Variants in CEP112 observed in about 807,000 individuals in gnomAD.
CEP112 encodes the protein centrosomal protein of 112 kDa.
Under a neutral mutation model 153.0 loss-of-function variants are expected in CEP112, and 127 were observed. That is an observed-to-expected ratio of 0.83 (90% CI 0.72 to 0.96). CEP112 has a LOEUF of 0.96. CEP112 is among the 40% of genes least tolerant of loss of function. The pLI is 0.00. For synonymous variants in CEP112, 358 were observed against 374.4 expected, an observed-to-expected ratio of 0.96 and a Z score of 0.51; for missense variants, 1,089 against 1,101.2, an observed-to-expected ratio of 0.99 and a Z score of 0.16.
At chr17:65,763,946 G>T (rs1412861042) in intron 21 of CEP112, among the ~76,000 whole-genome samples, 1 of 152,020 alleles carries the variant, frequency 6.6e-6, no homozygotes, top group Admixed American at 6.6e-5. Flanking sequence ...TAATCATGTG[G>T]TGGTAACGTG....
rs35334393 is a variant in CEP112 at position 66,027,375 on chromosome 17, T to TAA, written c.1656+124_1656+125dup. 3.3e-3 allele frequency: 2,799 copies of TAA among 846,856 alleles called. 1 individual carries two copies. Among genetic ancestry groups the TAA allele is most frequent in the East Asian group, 0.016 (205 of 12,474 alleles). 52.5% of individuals were successfully genotyped at this position (846,856 alleles called of 1,614,324 possible). A position where few individuals can be genotyped will look rare whatever the true frequency, so the allele number is the denominator to read the frequency against. ...CTGGGTGACAGAGCAAGACTCTGTCTAAAAAAAAAGACAAAGAAACAAGTT... is the reference window on the plus strand; with the variant it reads ...CTGGGTGACAGAGCAAGACTCTGTCTAAAAAAAAAAAGACAAAGAAACAAGTT... On this transcript the variant is annotated intron_variant, in intron 16 of 26. Transcript: ENST00000535342.
At chr17:66,054,744 A>C (rs978279911) in intron 11 of CEP112, among the ~76,000 whole-genome samples, 1 of 152,064 alleles carries the variant, frequency 6.6e-6, no homozygotes, top group East Asian at 1.9e-4. Context: ...TCCAAATGAT[A>C]TATTTGGCTT....
At chr17:65,749,878 G>A (rs2051715992) in intron 22 of CEP112, among the ~76,000 whole-genome samples, 1 of 147,224 alleles carries the variant, frequency 6.8e-6, no homozygotes, top group Admixed American at 6.8e-5. Context: ...ATAAAAATAT[G>A]AAGACAAGCT....
intron 23 of CEP112, among the ~76,000 whole-genome samples, chr17:65,735,714 T>A (rs2050763891): frequency 6.6e-6 from 1 of 152,214 alleles, no homozygotes; most frequent in Non-Finnish European, 1.5e-5. Context: ...AGCCTTGTTT[T>A]GTGTGAAGCC....
At position 66,164,884 on chromosome 17, in the gene CEP112, ATATG is replaced by A. The variant is rs892546337; in HGVS notation, c.470+10156_470+10159del. Among the ~76,000 whole-genome samples, 17 of 93,976 alleles carry A rather than the reference ATATG, an allele frequency of 1.8e-4. 1 individual carries two copies. In the South Asian group the frequency reaches 1.9e-3, roughly 11 times the overall value. The allele number at this position is 93,976 out of a possible 152,430, so 61.7% of individuals were successfully genotyped here. The stretch of plus-strand genomic sequence containing the variant: ...AAAATATATATATATATACACACAT[ATATG>A]TGTGTGTGTGTGTGTGTGTGTGTGT... On this transcript the variant is annotated intron_variant, in intron 4 of 26. Transcript: ENST00000535342.
intron 20 of CEP112, among the ~76,000 whole-genome samples, chr17:65,860,990 G>A (rs942530492): frequency 4.6e-5 from 7 of 152,224 alleles, no homozygotes; most frequent in Admixed American, 1.3e-4. Context: ...GCTGAGTGAA[G>A]GAAGCCAGTC....
At chr17:65,828,013 T>C (rs1226672645) in intron 21 of CEP112, among the ~76,000 whole-genome samples, 5 of 152,314 alleles carry the variant, frequency 3.3e-5, no homozygotes, top group South Asian at 2.1e-4. Context: ...CTTAAAAAAA[T>C]TCTATATAAG....
chr17:66,040,068 T>A (rs528791344), intron 12 of CEP112, among the ~76,000 whole-genome samples: 3 of 152,344 alleles, frequency 2.0e-5, no homozygotes, highest in African/African-American at 2.4e-5. Context: ...TGGTTATACA[T>A]GTTGCAGTGA....
At chr17:65,799,759 A>G (rs769345332) in intron 21 of CEP112, among the ~76,000 whole-genome samples, 1 of 152,224 alleles carries the variant, frequency 6.6e-6, no homozygotes, top group Non-Finnish European at 1.5e-5. Context: ...GGAAATAACT[A>G]AACAAAAGGT....
At chr17:66,154,994 C>CCTCTCT (rs372109071) in intron 4 of CEP112, among the ~76,000 whole-genome samples, 1 of 151,580 alleles carries the variant, frequency 6.6e-6, no homozygotes, top group African/African-American at 2.4e-5. Context: ...TCCCTCCCTC[C>CCTCTCT]CTCTCTCTCT....
intron 20 of CEP112, among the ~76,000 whole-genome samples, chr17:65,859,441 A>C (rs1440859424): frequency 7.0e-4 from 3 of 4,284 alleles, no homozygotes; most frequent in African/African-American, 2.0e-3. Context: ...CTCCATCTCA[A>C]AAAAAAAAAA....
Position 65,635,760 on chromosome 17 carries a change from A to G in CEP112, c.*211T>C. On this transcript the variant is annotated 3_prime_UTR_variant, in exon 27 of 27. Coordinates refer to ENST00000535342, the MANE Select transcript of CEP112 (RefSeq NM_001199165.4). ...ATGCACACAAACATGAAAATCGGAA[A>G]TAAAGGAATGTTAAAAAAATAACTT... 3 of 574,914 alleles carry G rather than the reference A, an allele frequency of 5.2e-6. No homozygotes were observed. The highest frequency in any genetic ancestry group is 9.1e-6 in the Non-Finnish European group (3 of 329,366). 35.6% of individuals were successfully genotyped at this position (574,914 alleles called of 1,614,324 possible). A position where few individuals can be genotyped will look rare whatever the true frequency, so the allele number is the denominator to read the frequency against.
At chr17:65,740,569 A>C (rs931517664) in intron 23 of CEP112, among the ~76,000 whole-genome samples, 1 of 152,216 alleles carries the variant, frequency 6.6e-6, no homozygotes, top group Non-Finnish European at 1.5e-5. Context: ...TATCTGAGGA[A>C]GCATTATTAT....
intron 24 of CEP112, among the ~76,000 whole-genome samples, chr17:65,648,272 C>T (rs2045549825): frequency 6.6e-6 from 1 of 152,180 alleles, no homozygotes; most frequent in Non-Finnish European, 1.5e-5. Flanking sequence ...CTTCCTTCAT[C>T]TTCCTTCCTT....
chr17:65,896,994 A>G (rs2059681479), intron 20 of CEP112, among the ~76,000 whole-genome samples: 1 of 152,086 alleles, frequency 6.6e-6, no homozygotes, highest in Non-Finnish European at 1.5e-5. Context: ...ACATTGCAGT[A>G]AAGCCCACTT....
At chr17:65,959,624 G>T (rs775727967) in intron 18 of CEP112, among the ~76,000 whole-genome samples, 10 of 152,172 alleles carry the variant, frequency 6.6e-5, no homozygotes, top group Non-Finnish European at 1.2e-4. Context: ...CTCCTCCTTG[G>T]GTTCCTGTGG....
intron 19 of CEP112, among the ~76,000 whole-genome samples, chr17:65,903,782 A>T (rs574780428): frequency 1.3e-5 from 2 of 152,268 alleles, no homozygotes; most frequent in East Asian, 3.8e-4. Flanking sequence ...AGTCGGCTTC[A>T]TCCCTGGGAT....
In CEP112 at chr17:66,063,020, C is replaced by T. The variant is rs780184313; in HGVS notation, c.1017G>A (p.Glu339=). ...IRETKEDQIA[E]LKKICEQSTE... ...TACTTTGTTCACATATCTTTTTCAG[C>T]TCTGCAATCTGGTCTTCTTTAGTCT... Residue 339 remains glutamate (E), a synonymous_variant, in exon 11 of 27, where the codon GAG becomes GAA. Coordinates refer to ENST00000535342, the MANE Select transcript of CEP112 (RefSeq NM_001199165.4). 1 of 1,601,010 alleles carries T rather than the reference C, an allele frequency of 6.2e-7. No individual in the cohort carries two copies. Among genetic ancestry groups the T allele is most frequent in the Admixed American group, 1.7e-5 (1 of 58,264 alleles).
chr17:66,008,575 G>A (rs527416711), intron 16 of CEP112, among the ~76,000 whole-genome samples: 9 of 152,120 alleles, frequency 5.9e-5, no homozygotes, highest in African/African-American at 2.2e-4. Flanking sequence ...TAAAATGCCT[G>A]CCCTCAAGTG....
Sources: gnomAD v4.1 joint callset for allele counts (sites outside exome capture counted in the v4.1 genomes callset) on GRCh38, gnomAD v4.1.1 for gene constraint, MANE v1.5 for transcripts, NCBI Gene and HGNC (gene_info 2026-07-23, HGNC 2026-07-21) for gene names.